The following SORT1 variants were observed in gnomAD, a reference collection of about 807,000 sequenced individuals.
SORT1 encodes the protein sortilin 1.
A neutral mutation model predicts 101.7 loss-of-function variants in SORT1; 39 were observed. The observed-to-expected ratio is 0.38, with a 90% CI of 0.30 to 0.50. The LOEUF is 0.50. Among genes scored for constraint, SORT1 ranks in the 20% least tolerant of loss-of-function variants. The pLI is 0.90. For synonymous variants in SORT1, 396 were observed against 393.7 expected (o/e 1.01, Z -0.07); for missense variants, 878 against 1,040.4 (o/e 0.84, Z 2.15).
intron 1 of SORT1, among the ~76,000 whole-genome samples, chr1:109,394,063 G>T (rs1039372757): frequency 1.3e-5 from 2 of 152,130 alleles, no homozygotes; most frequent in African/African-American, 4.8e-5. Flanking sequence ...AATGCAGGCA[G>T]TCCAGATAAG....
chr1:109,322,821 T>C, intron 15 of SORT1, 111 bp downstream of exon 15: 1 of 844,748 alleles, frequency 1.2e-6, no homozygotes, highest in Non-Finnish European at 1.9e-6. Context: ...ATTACAGGTG[T>C]GAGCCACCGC....
intron 1 of SORT1, among the ~76,000 whole-genome samples, chr1:109,378,732 A>AGGG (rs1652025381): frequency 9.7e-6 from 1 of 103,372 alleles, no homozygotes; most frequent in African/African-American, 4.0e-5. Flanking sequence ...ATATATATAT[A>AGGG]TATATATATA....
intron 2 of SORT1, 50 bp from the exon 3 acceptor site, chr1:109,367,531 ATGCTGATATG>A (rs767610717): frequency 1.7e-6 from 2 of 1,163,916 alleles, no homozygotes; most frequent in Non-Finnish European, 2.6e-6. Context: ...TTCCAATCAC[ATGCTGATATG>A]TGTTCGAGAT....
intron 1 of SORT1, among the ~76,000 whole-genome samples, chr1:109,384,676 T>A (rs1379109169): frequency 2.6e-5 from 4 of 152,206 alleles, no homozygotes; most frequent in African/African-American, 9.6e-5. Flanking sequence ...AAAAGACGTT[T>A]ATGTAGCTCA....
At chr1:109,369,282 A>G (rs1484214157) in intron 2 of SORT1, among the ~76,000 whole-genome samples, 1 of 152,158 alleles carries the variant, frequency 6.6e-6, no homozygotes, top group African/African-American at 2.4e-5. Flanking sequence ...AGATCATGCC[A>G]TCGCACTCCA....
intron 8 of SORT1, among the ~76,000 whole-genome samples, chr1:109,344,248 C>T (rs1020322321): frequency 1.3e-5 from 2 of 152,156 alleles, no homozygotes; most frequent in African/African-American, 2.4e-5. Context: ...TGCTTCTGCG[C>T]GTGCCCCTGT....
chr1:109,397,797 GA>G lies in SORT1; in HGVS notation c.95del (p.Leu32ProfsTer25). On this transcript the variant is annotated frameshift_variant, in exon 1 of 20. Transcript: ENST00000256637. LOFTEE classifies it high-confidence loss of function. The part of the protein sequence containing the change: ...LLLQLLPPST[L>X]SQDRLDAPPP... ...GCGGCGCGTCCAGCCGGTCCTGGCT[GA>G]GGGTCGACGGCGGCAGCAGCTGCAG... 7.9e-7 allele frequency: 1 copy of G among 1,267,692 alleles called. No homozygotes were observed. Among genetic ancestry groups the G allele is most frequent in the Non-Finnish European group, 1.0e-6 (1 of 999,192 alleles). 78.5% of individuals were successfully genotyped at this position (1,267,692 alleles called of 1,614,324 possible).
chr1:109,360,858 A>G (rs1051912742), intron 3 of SORT1, among the ~76,000 whole-genome samples: 5 of 152,108 alleles, frequency 3.3e-5, no homozygotes, highest in African/African-American at 1.2e-4. Flanking sequence ...AGCCTTGGTG[A>G]TCCCTGAATG....
In SORT1 at chr1:109,313,695, C is replaced by T. The variant is rs548008063; in HGVS notation, c.*348G>A. ...GCCCTGGGGCAGGCGCCATGCAGAA[C>T]ACACAGAAGTGGGGTTAGTGAAAAG... On this transcript the variant is annotated 3_prime_UTR_variant, in exon 20 of 20. Transcript: ENST00000256637. 4 of 311,732 alleles carry T rather than the reference C, an allele frequency of 1.3e-5. No individual in the cohort carries two copies. In the South Asian group the frequency reaches 1.5e-4, roughly 12 times the overall value. 19.3% of individuals were successfully genotyped at this position (311,732 alleles called of 1,614,324 possible).
chr1:109,319,352 T>C (rs1647462636), intron 15 of SORT1, among the ~76,000 whole-genome samples: 1 of 152,200 alleles, frequency 6.6e-6, no homozygotes, highest in African/African-American at 2.4e-5. Flanking sequence ...CGACCTGCCC[T>C]GGGGCCTTGC....
intron 1 of SORT1, among the ~76,000 whole-genome samples, chr1:109,381,572 T>C (rs1008057453): frequency 1.3e-4 from 20 of 152,102 alleles, no homozygotes; most frequent in Admixed American, 1.1e-3. Flanking sequence ...ATATTTATGG[T>C]TACAATGTTA....
Position 109,382,753 on chromosome 1 carries a change from T to C in SORT1, c.307-13164A>G, listed in dbSNP as rs1395516996. Among the ~76,000 whole-genome samples, 3 of 152,194 alleles carry C rather than the reference T, an allele frequency of 2.0e-5. 1 individual carries two copies. The East Asian group carries it at 5.8e-4, about 29-fold the overall frequency. ...GGCATTTATAGTTGCCATCTGACTG[T>C]CAAATAGGTTTTCAGGAATTCATTA... On this transcript the variant is annotated intron_variant, in intron 1 of 19. Transcript: ENST00000256637.
chr1:109,323,195 A>T (rs1647756631), intron 14 of SORT1, 74 bp from the exon 15 acceptor site: 2 of 992,064 alleles, frequency 2.0e-6, no homozygotes, highest in African/African-American at 3.2e-5. Context: ...GCCAGGCTAT[A>T]GGAAGAACAA....
At chr1:109,348,417 A>G (rs1286782617) in intron 6 of SORT1, among the ~76,000 whole-genome samples, 1 of 152,206 alleles carries the variant, frequency 6.6e-6, no homozygotes, top group Non-Finnish European at 1.5e-5. Flanking sequence ...ACATGTTACA[A>G]AAGTAAAAAC....
chr1:109,372,395 C>G lies in SORT1; in HGVS notation c.307-2806G>C, dbSNP rs1273907566. On this transcript the variant is annotated intron_variant, in intron 1 of 19. Transcript: ENST00000256637. ...CACACAGCATAGTGCACAGTGGGCA[C>G]GCAATAAATATTGAATTCTTTAAGA... Among the ~76,000 whole-genome samples, 5 of 152,092 alleles carry G rather than the reference C, an allele frequency of 3.3e-5. No homozygotes were observed. The East Asian group carries it at 7.7e-4, about 23-fold the overall frequency.
intron 8 of SORT1, among the ~76,000 whole-genome samples, chr1:109,343,852 T>C (rs890235869): frequency 1.6e-4 from 25 of 152,166 alleles, no homozygotes; most frequent in Admixed American, 9.2e-4. Context: ...GGTTTCGCCA[T>C]GTTGGCCAGG....
At chr1:109,354,224 C>T (rs1444203055) in intron 5 of SORT1, 143 bp downstream of exon 5, 5 of 584,006 alleles carry the variant, frequency 8.6e-6, no homozygotes, top group South Asian at 3.4e-5. Context: ...TAGGAAAAAA[C>T]GTCAAAAAAA....
rs1384842513 is a variant in SORT1 at position 109,325,181 on chromosome 1, CA to C, written c.1644-93del. 57 of 582,538 alleles carry C rather than the reference CA, an allele frequency of 9.8e-5. No homozygotes were observed. In the African/African-American group the frequency reaches 1.0e-3, roughly 10 times the overall value. 36.1% of individuals were successfully genotyped at this position (582,538 alleles called of 1,614,324 possible). A position where few individuals can be genotyped will look rare whatever the true frequency, so the allele number is the denominator to read the frequency against. ...TCTGGCTTTTTGATCCCAAACCAGACAAAACCCCTTACATTTAGGTGGTGGC... is the reference window on the plus strand; with the variant it reads ...TCTGGCTTTTTGATCCCAAACCAGACAAACCCCTTACATTTAGGTGGTGGC... On this transcript the variant is annotated intron_variant, in intron 13 of 19. Transcript: ENST00000256637.
At chr1:109,381,403 T>C (rs544946521) in intron 1 of SORT1, among the ~76,000 whole-genome samples, 2 of 152,012 alleles carry the variant, frequency 1.3e-5, no homozygotes, top group African/African-American at 4.8e-5. Flanking sequence ...TCAGGTGCTA[T>C]TAAAAATGTT....
Sources: gnomAD v4.1 joint callset for allele counts (sites outside exome capture counted in the v4.1 genomes callset) on GRCh38, gnomAD v4.1.1 for gene constraint, MANE v1.5 for transcripts, NCBI Gene and HGNC (gene_info 2026-07-23, HGNC 2026-07-21) for gene names.